The following NAV2 variants were observed in gnomAD, a reference collection of about 807,000 sequenced individuals.
The protein encoded by NAV2 is helicase, APC down-regulated 1.
Under a neutral mutation model 223.2 loss-of-function variants are expected in NAV2, and 54 were observed. The ratio of observed to expected loss-of-function variants is 0.24; its 90% CI spans 0.19 to 0.30. The LOEUF is 0.30. Ranked by LOEUF, NAV2 falls within the 10% of genes least tolerant of loss-of-function variation. The pLI, the probability that NAV2 is intolerant of heterozygous loss-of-function variation, is 1.00. For synonymous variants in NAV2, 1,279 were observed against 1,239.3 expected, an observed-to-expected ratio of 1.03 and a Z score of -0.67; for missense variants, 2,806 against 3,147.5, an observed-to-expected ratio of 0.89 and a Z score of 2.60.
At chr11:20,005,434 T>G (rs1399833743) in intron 11 of NAV2, among the ~76,000 whole-genome samples, 1 of 151,740 alleles carries the variant, frequency 6.6e-6, no homozygotes, top group East Asian at 1.9e-4. Context: ...TTAGTAGAGA[T>G]AGGGTTTCAC....
At chr11:20,001,593 G>T (rs541368031) in intron 11 of NAV2, among the ~76,000 whole-genome samples, 90 of 150,744 alleles carry the variant, frequency 6.0e-4, no homozygotes, top group African/African-American at 2.1e-3. Context: ...CACAGAGTAG[G>T]TCTTCAGTAA....
chr11:20,051,107 T>C (rs1340490380), intron 16 of NAV2, among the ~76,000 whole-genome samples, 182 bp from the exon 17 acceptor site: 1 of 152,132 alleles, frequency 6.6e-6, no homozygotes, highest in Non-Finnish European at 1.5e-5. Context: ...AGGCTGAGGA[T>C]TGGGTTTCTT....
intron 1 of NAV2, among the ~76,000 whole-genome samples, chr11:19,480,569 C>A (rs2042247609): frequency 6.6e-6 from 1 of 152,152 alleles, no homozygotes; most frequent in Non-Finnish European, 1.5e-5. Context: ...GCAATTCTGT[C>A]TTTATGGGGC....
chr11:20,038,422 A>G (rs1472659499), intron 12 of NAV2, among the ~76,000 whole-genome samples: 1 of 152,248 alleles, frequency 6.6e-6, no homozygotes, highest in Non-Finnish European at 1.5e-5. Context: ...TGCAGATTAC[A>G]CCAATAGTTA....
chr11:19,985,411 C>T, intron 11 of NAV2, among the ~76,000 whole-genome samples: 1 of 152,146 alleles, frequency 6.6e-6, no homozygotes, highest in East Asian at 1.9e-4. Context: ...CCCCAGTGCC[C>T]AGGCTTGTGA....
chr11:19,357,119 T>C (rs539712538), intron 1 of NAV2, among the ~76,000 whole-genome samples: 3 of 152,314 alleles, frequency 2.0e-5, no homozygotes, highest in Admixed American at 2.0e-4. Context: ...AAGGATGAAA[T>C]TTAATGCTAA....
chr11:20,101,088 G>C lies in NAV2; in HGVS notation c.6333G>C (p.Leu2111=). The change falls in exon 32 of 38, where the codon CTG becomes CTC. Residue 2111 remains leucine (L), a synonymous_variant. Transcript: ENST00000349880. ...GGAAAACCTACCTGGCCAACCGGCT[G>C]TCTGAGTATATAGTGCTTCGAGAGG... ...GTGKTYLANR[L]SEYIVLREGR... 1 of 1,614,162 alleles carries C rather than the reference G, an allele frequency of 6.2e-7. No homozygotes were observed. The highest frequency in any genetic ancestry group is 8.5e-7 in the Non-Finnish European group (1 of 1,180,046).
chr11:19,624,834 C>T (rs1057101623), intron 1 of NAV2, among the ~76,000 whole-genome samples: 1 of 152,222 alleles, frequency 6.6e-6, no homozygotes, highest in African/African-American at 2.4e-5. Flanking sequence ...AATCACCAGT[C>T]TTCTGCATCA....
At position 20,077,536 on chromosome 11, in the gene NAV2, G is replaced by C. The variant is rs764091467; in HGVS notation, c.4984-16G>C. The C allele has an allele frequency of 6.3e-7, 1 of 1,599,332 alleles. No individual in the cohort carries two copies. Among genetic ancestry groups the C allele is most frequent in the Non-Finnish European group, 8.6e-7 (1 of 1,166,704 alleles). On this transcript the variant is annotated splice_polypyrimidine_tract_variant and intron_variant, in intron 22 of 37. Transcript: ENST00000349880. The stretch of plus-strand genomic sequence containing the variant: ...CTTGCAAGGTAATATAACTGAGGTT[G>C]TGTCTTCCCCTCCAGGCTCACCTTG...
intron 6 of NAV2, among the ~76,000 whole-genome samples, chr11:19,924,307 A>C (rs1015764441): frequency 1.2e-4 from 18 of 151,094 alleles, no homozygotes; most frequent in African/African-American, 2.7e-4. Context: ...AAAAAAAAAA[A>C]AAAACAAAAA....
intron 1 of NAV2, among the ~76,000 whole-genome samples, chr11:19,716,934 G>T (rs1301756836): frequency 2.0e-5 from 3 of 152,134 alleles, no homozygotes; most frequent in Admixed American, 6.5e-5. Flanking sequence ...GAAAACTGAG[G>T]CAAAGACCAG....
chr11:19,683,524 C>T (rs1180890951), intron 1 of NAV2, among the ~76,000 whole-genome samples: 3 of 152,264 alleles, frequency 2.0e-5, no homozygotes, highest in Non-Finnish European at 4.4e-5. Context: ...TCTCAGCCAG[C>T]TGACTGGGCC....
At chr11:19,560,640 G>A (rs1387888598) in intron 1 of NAV2, among the ~76,000 whole-genome samples, 2 of 152,156 alleles carry the variant, frequency 1.3e-5, no homozygotes, top group South Asian at 2.1e-4. Flanking sequence ...ACAAATATGA[G>A]CTTTATTGCT....
chr11:19,973,330 A>G (rs2049412986), intron 10 of NAV2, among the ~76,000 whole-genome samples: 1 of 152,168 alleles, frequency 6.6e-6, no homozygotes, highest in Non-Finnish European at 1.5e-5. Context: ...AATTCTGCTG[A>G]CTTAATGTGA....
At chr11:19,910,237 CT>C (rs1187754445) in intron 6 of NAV2, among the ~76,000 whole-genome samples, 8 of 152,320 alleles carry the variant, frequency 5.3e-5, no homozygotes, top group African/African-American at 1.9e-4. Context: ...TAATATTTTG[CT>C]TTTAACCCTC....
intron 11 of NAV2, among the ~76,000 whole-genome samples, chr11:20,010,331 T>G (rs1220974122): frequency 6.6e-6 from 1 of 152,208 alleles, no homozygotes; most frequent in Non-Finnish European, 1.5e-5. Context: ...TTTACAAGAT[T>G]GTCTGCTCCC....
At chr11:19,442,442 C>A (rs1249812245) in intron 1 of NAV2, among the ~76,000 whole-genome samples, 1 of 152,218 alleles carries the variant, frequency 6.6e-6, no homozygotes, top group Non-Finnish European at 1.5e-5. Flanking sequence ...TCACTCAAAA[C>A]CAAAGGTGAA....
At chr11:19,630,392 A>C (rs1167733824) in intron 1 of NAV2, among the ~76,000 whole-genome samples, 1 of 152,160 alleles carries the variant, frequency 6.6e-6, no homozygotes, top group Non-Finnish European at 1.5e-5. Context: ...TCTCATGTGC[A>C]AGATAAAGGA....
intron 1 of NAV2, among the ~76,000 whole-genome samples, chr11:19,737,303 T>G (rs1278997561): frequency 6.6e-6 from 1 of 152,186 alleles, no homozygotes; most frequent in African/African-American, 2.4e-5. Flanking sequence ...TGAATCTACA[T>G]ATTATACACC....
Sources: allele counts gnomAD v4.1 joint callset (sites outside exome capture counted in the v4.1 genomes callset), GRCh38; gene constraint gnomAD v4.1.1; transcripts MANE v1.5; gene names NCBI Gene and HGNC (gene_info 2026-07-23, HGNC 2026-07-21).